Variants in PHF11 observed in about 807,000 individuals in gnomAD.
PHF11 encodes the protein BRCA1 C-terminus-associated protein.
Under a neutral mutation model 40.5 loss-of-function variants are expected in PHF11, and 38 were observed. The observed-to-expected ratio is 0.94, with a 90% CI of 0.72 to 1.23. The LOEUF (loss-of-function observed/expected upper bound fraction) is 1.23, where lower values mean the gene tolerates loss of function less well. Ranked by LOEUF, PHF11 falls within the 50% of genes most tolerant of loss-of-function variation. The pLI is 0.00. For synonymous variants in PHF11, 127 were observed against 138.2 expected (o/e 0.92, Z 0.57); for missense variants, 369 against 392.4 (o/e 0.94, Z 0.50).
chr13:49,508,900 T>C (rs1959046646), intron 2 of PHF11, among the ~76,000 whole-genome samples: 2 of 152,306 alleles, frequency 1.3e-5, no homozygotes, highest in South Asian at 4.1e-4. Flanking sequence ...TGTGTATGTT[T>C]TACATTCTTA....
At chr13:49,501,344 A>C (rs1958905815) in intron 1 of PHF11, among the ~76,000 whole-genome samples, 1 of 152,048 alleles carries the variant, frequency 6.6e-6, no homozygotes. Context: ...GTACTTTACA[A>C]GTTTTAATGT....
Position 49,520,934 on chromosome 13 carries a change from C to A in PHF11, c.499C>A (p.Gln167Lys). 1 of 1,581,062 alleles carries A rather than the reference C, an allele frequency of 6.3e-7. No individual in the cohort carries two copies. Among genetic ancestry groups the A allele is most frequent in the Non-Finnish European group, 8.7e-7 (1 of 1,155,950 alleles). Residue 167 changes from glutamine to lysine, a missense_variant, in exon 5 of 10, where the codon CAA becomes AAA. Gln to Lys is a moderately conservative substitution (Grantham distance 53). Transcript: ENST00000378319. ...QQHAQFPIIA[Q>K]SAKFSGVKRK... The stretch of plus-strand genomic sequence containing the variant: ...ACATGCTCAATTCCCGATCATCGCT[C>A]AAAGTGGTAAGTTTCTAAAATTTAG...
At chr13:49,509,110 T>C (rs908048497) in intron 2 of PHF11, among the ~76,000 whole-genome samples, 3 of 152,314 alleles carry the variant, frequency 2.0e-5, no homozygotes, top group African/African-American at 7.2e-5. Context: ...TTATTTTAAA[T>C]TACAAATTTA....
chr13:49,504,275 CT>C, intron 1 of PHF11, among the ~76,000 whole-genome samples: 1 of 149,958 alleles, frequency 6.7e-6, no homozygotes, highest in African/African-American at 2.4e-5. Context: ...AATGGGACCC[CT>C]GTCTCTAAAA....
intron 5 of PHF11, chr13:49,521,459 G>A (rs1959187244): frequency 2.0e-6 from 2 of 986,278 alleles, no homozygotes; most frequent in Non-Finnish European, 2.4e-6. Context: ...TCAGGACCTC[G>A]TTGGAAGACT....
intron 3 of PHF11, among the ~76,000 whole-genome samples, chr13:49,517,641 C>T (rs1008560793): frequency 1.3e-4 from 20 of 152,194 alleles, no homozygotes; most frequent in African/African-American, 4.3e-4. Flanking sequence ...CGACCAATCT[C>T]GCCTGTCTCA....
At chr13:49,517,659 C>T (rs956429434) in intron 3 of PHF11, among the ~76,000 whole-genome samples, 1 of 152,190 alleles carries the variant, frequency 6.6e-6, no homozygotes, top group Non-Finnish European at 1.5e-5. Flanking sequence ...TCAAAGGGCC[C>T]CCTAGTGGGG....
intron 1 of PHF11, among the ~76,000 whole-genome samples, chr13:49,503,008 G>T (rs182308142): frequency 1.1e-4 from 16 of 152,242 alleles, no homozygotes; most frequent in Non-Finnish European, 2.4e-4. Context: ...ACAGGCGTGA[G>T]CACCGTGCCC....
intron 2 of PHF11, 100 bp from the exon 3 acceptor site, chr13:49,512,959 C>G (rs1196885382): frequency 1.2e-5 from 8 of 648,090 alleles, no homozygotes; most frequent in Non-Finnish European, 2.8e-6. Flanking sequence ...CAGTCCATTT[C>G]CCACTCCTGG....
intron 2 of PHF11, 40 bp from the exon 3 acceptor site, chr13:49,513,019 T>A (rs1236033661): frequency 3.1e-6 from 3 of 958,792 alleles, no homozygotes; most frequent in Non-Finnish European, 5.0e-6. Context: ...CTTTCAATAT[T>A]ACTTTGTGCA....
chr13:49,506,871 CT>C, intron 2 of PHF11, 115 bp downstream of exon 2: 1 of 392,496 alleles, frequency 2.5e-6, no homozygotes, highest in Non-Finnish European at 4.3e-6. Flanking sequence ...ATGGTTTGAG[CT>C]TTTAGGTGAA....
In PHF11 at chr13:49,496,064, G is replaced by C. The variant is rs1958798695; in HGVS notation, c.63G>C (p.Arg21=). ...TCGGCGCCAGCAGCCCGGAGGCCCG[G>C]CCCGCGCAGGAGGCGCTCCTCCTTC... The part of the protein sequence containing the change: ...RVLGASSPEA[R]PAQEALLLPT... Residue 21 remains arginine, a synonymous_variant, in exon 1 of 10, where the codon CGG becomes CGC. Transcript: ENST00000378319. The C allele has an allele frequency of 2.2e-6, 3 of 1,368,020 alleles. No individual in the cohort carries two copies. The highest frequency in any genetic ancestry group is 2.8e-6 in the Non-Finnish European group (3 of 1,060,182). 84.7% of individuals were successfully genotyped at this position (1,368,020 alleles called of 1,614,324 possible).
At chr13:49,504,732 G>A (rs547604740) in intron 1 of PHF11, among the ~76,000 whole-genome samples, 1,860 of 151,964 alleles carry the variant, frequency 0.012, 14 homozygotes, top group Middle Eastern at 0.048. Flanking sequence ...AGCTCATTGA[G>A]AACGGGCCAG....
Position 49,526,440 on chromosome 13 carries a change from T to C in PHF11, c.823T>C (p.Phe275Leu). The change falls in exon 9 of 10, where the codon TTT (phenylalanine) becomes CTT (leucine). Residue 275 changes from phenylalanine (F) to leucine (L), a missense_variant. Transcript: ENST00000378319. Reference sequence around the variant, plus strand: ...TGACTGTAGATTGTTCGAAGACACATTTGTAAATTTTCAAGCAGGTATATG... The same window carrying C: ...TGACTGTAGATTGTTCGAAGACACACTTGTAAATTTTCAAGCAGGTATATG... ...LFDCRLFEDT[F>L]VNFQAAIEKK... 1 of 1,603,274 alleles carries C rather than the reference T, an allele frequency of 6.2e-7. No individual in the cohort carries two copies.
chr13:49,528,165 T>C (rs1232058416), intron 9 of PHF11, among the ~76,000 whole-genome samples: 1 of 152,218 alleles, frequency 6.6e-6, no homozygotes, highest in African/African-American at 2.4e-5. Flanking sequence ...TCTCCAATTA[T>C]CATCTCTCAA....
At chr13:49,507,571 A>G (rs926512448) in intron 2 of PHF11, among the ~76,000 whole-genome samples, 1 of 152,222 alleles carries the variant, frequency 6.6e-6, no homozygotes, top group Non-Finnish European at 1.5e-5. Flanking sequence ...GACTAAATAC[A>G]CCAAATTGTT....
At chr13:49,522,465 A>G (rs1959192869) in intron 6 of PHF11, among the ~76,000 whole-genome samples, 1 of 152,226 alleles carries the variant, frequency 6.6e-6, no homozygotes, top group African/African-American at 2.4e-5. Flanking sequence ...CTTACAGTTA[A>G]AACGGGCAGA....
At chr13:49,513,605 A>T (rs1407264697) in intron 3 of PHF11, among the ~76,000 whole-genome samples, 1 of 151,774 alleles carries the variant, frequency 6.6e-6, no homozygotes, top group East Asian at 1.9e-4. Context: ...TGCTGGGATT[A>T]CAGGTGTGAG....
chr13:49,506,862 T>C, intron 2 of PHF11, 106 bp downstream of exon 2: 1 of 618,588 alleles, frequency 1.6e-6, no homozygotes, highest in Non-Finnish European at 2.5e-6. Flanking sequence ...AAGTTGGCCA[T>C]GGTTTGAGCT....
Sources: gnomAD v4.1 joint callset for allele counts (sites outside exome capture counted in the v4.1 genomes callset) on GRCh38, gnomAD v4.1.1 for gene constraint, MANE v1.5 for transcripts, NCBI Gene and HGNC (gene_info 2026-07-23, HGNC 2026-07-21) for gene names.